NEK1: variants seen among roughly 807,000 people sequenced by gnomAD.
NEK1 encodes serine/threonine-protein kinase Nek1.
A neutral mutation model predicts 182.1 loss-of-function variants in NEK1; 137 were observed. The ratio of observed to expected loss-of-function variants is 0.75; its 90% CI spans 0.65 to 0.87. The LOEUF (loss-of-function observed/expected upper bound fraction) is 0.87. Among genes scored for constraint, NEK1 ranks in the 40% least tolerant of loss-of-function variants. The pLI is 0.00. For synonymous variants in NEK1, 513 were observed against 492.2 expected, an observed-to-expected ratio of 1.04 and a Z score of -0.56; for missense variants, 1,391 against 1,494.4, an observed-to-expected ratio of 0.93 and a Z score of 1.14.
chr4:169,547,874 C>T (rs957057426), intron 18 of NEK1, among the ~76,000 whole-genome samples: 2 of 152,124 alleles, frequency 1.3e-5, no homozygotes, highest in East Asian at 1.9e-4. Context: ...ATTTGTCTAA[C>T]CTTTTCTCAA....
At chr4:169,575,637 G>A (rs1198339492) in intron 12 of NEK1, among the ~76,000 whole-genome samples, 8 of 152,130 alleles carry the variant, frequency 5.3e-5, no homozygotes, top group African/African-American at 1.7e-4. Context: ...TGAGTTCAAC[G>A]GCTCCTCAAG....
At chr4:169,451,050 T>A (rs984235464) in intron 27 of NEK1, among the ~76,000 whole-genome samples, 17 of 152,178 alleles carry the variant, frequency 1.1e-4, no homozygotes, top group Non-Finnish European at 1.9e-4. Flanking sequence ...GGCCATTACA[T>A]AATGGTAAAG....
Position 169,479,539 on chromosome 4 carries a change from A to T in NEK1, c.2008-5T>A. 2 of 1,589,802 alleles carry T rather than the reference A, an allele frequency of 1.3e-6. No homozygotes were observed. The highest frequency in any genetic ancestry group is 1.7e-6 in the Non-Finnish European group (2 of 1,170,494). ...CTTAACTCCTTTAGCCACCAACTAT[A>T]AAAAAGGATTTTATTAAATACATTA... On this transcript the variant is annotated splice_polypyrimidine_tract_variant and splice_region_variant and intron_variant, in intron 23 of 35. Coordinates refer to ENST00000507142, the MANE Select transcript of NEK1 (RefSeq NM_001199397.3).
At chr4:169,593,880 G>A (rs867792634) in intron 5 of NEK1, among the ~76,000 whole-genome samples, 2 of 151,754 alleles carry the variant, frequency 1.3e-5, no homozygotes, top group African/African-American at 2.4e-5. Flanking sequence ...TCCTAGCTAC[G>A]CGGGAGGCTG....
intron 12 of NEK1, among the ~76,000 whole-genome samples, chr4:169,564,786 A>T (rs1241807990): frequency 6.6e-6 from 1 of 152,166 alleles, no homozygotes; most frequent in Non-Finnish European, 1.5e-5. Flanking sequence ...TAAAATATGT[A>T]ATACCACCCA....
chr4:169,590,894 C>T, intron 5 of NEK1, 85 bp from the exon 6 acceptor site: 1 of 862,886 alleles, frequency 1.2e-6, no homozygotes, highest in African/African-American at 1.7e-5. Flanking sequence ...GAACTAAATC[C>T]TTAAAAAGAT....
At chr4:169,552,882 A>T (rs540186766) in intron 18 of NEK1, among the ~76,000 whole-genome samples, 1 of 152,290 alleles carries the variant, frequency 6.6e-6, no homozygotes, top group East Asian at 1.9e-4. Context: ...AATCTAAAAA[A>T]ATATGCACGG....
At chr4:169,594,830 T>A (rs529886031) in intron 5 of NEK1, among the ~76,000 whole-genome samples, 1 of 152,336 alleles carries the variant, frequency 6.6e-6, no homozygotes, top group East Asian at 1.9e-4. Flanking sequence ...ACAAAATGCA[T>A]GCTTTAGAGA....
rs1188558959 is a variant in NEK1 at position 169,496,709 on chromosome 4, T to C, written c.2007+10328A>G. 8.6e-5 allele frequency among the ~76,000 whole-genome samples: 13 copies of C among 151,732 alleles called. No individual in the cohort carries two copies. The East Asian group carries it at 2.3e-3, about 27-fold the overall frequency. On this transcript the variant is annotated intron_variant, in intron 23 of 35. Transcript: ENST00000507142. ...CTGTTTATATGCTGGATTACGTTTATTGATTTGCGTATGTTGAACCAGCCT... is the reference window on the plus strand; with the variant it reads ...CTGTTTATATGCTGGATTACGTTTACTGATTTGCGTATGTTGAACCAGCCT...
At chr4:169,521,557 T>C (rs1756055343) in intron 19 of NEK1, among the ~76,000 whole-genome samples, 1 of 152,242 alleles carries the variant, frequency 6.6e-6, no homozygotes. Context: ...AGTGCATGAT[T>C]CTTTTGTTAC....
At chr4:169,556,161 C>G in intron 16 of NEK1, 66 bp from the exon 17 acceptor site, 1 of 1,403,424 alleles carries the variant, frequency 7.1e-7, no homozygotes. Context: ...GTACTAGTCT[C>G]AAAAGAAAAA....
At chr4:169,523,100 G>A (rs542837239) in intron 19 of NEK1, among the ~76,000 whole-genome samples, 7 of 152,324 alleles carry the variant, frequency 4.6e-5, no homozygotes, top group African/African-American at 9.6e-5. Context: ...GGAAAAGTGA[G>A]TCTATGCCAT....
rs1772475960 is a variant in NEK1 at position 169,612,465 on chromosome 4, C to T, written c.-416G>A. On this transcript the variant is annotated 5_prime_UTR_variant, in exon 1 of 36. Transcript: ENST00000507142. ...CGGGACTGGGAAGCTACTTGACTGC[C>T]ACGTGCTCCTGCCTCGCAACAGCGG... is the stretch of plus-strand genomic sequence containing the variant. 1 of 152,456 alleles carries T rather than the reference C, an allele frequency of 6.6e-6. No homozygotes were observed. Among genetic ancestry groups the T allele is most frequent in the South Asian group, 2.1e-4 (1 of 4,828 alleles). 9.4% of individuals were successfully genotyped at this position (152,456 alleles called of 1,614,324 possible).
chr4:169,542,950 T>A (rs191925893), intron 18 of NEK1, among the ~76,000 whole-genome samples: 1 of 152,330 alleles, frequency 6.6e-6, no homozygotes, highest in African/African-American at 2.4e-5. Context: ...CTGTTCACTC[T>A]GATGATAGTT....
intron 27 of NEK1, among the ~76,000 whole-genome samples, chr4:169,445,701 C>CA (rs368207599): frequency 0.058 from 8,230 of 143,046 alleles, 274 homozygotes; most frequent in Non-Finnish European, 0.09. Context: ...GGGGAGAAGG[C>CA]AAAAAAAAAC....
intron 19 of NEK1, among the ~76,000 whole-genome samples, chr4:169,532,425 T>C (rs1014576384): frequency 2.0e-5 from 3 of 152,114 alleles, no homozygotes; most frequent in African/African-American, 7.2e-5. Flanking sequence ...TTTAAATCCA[T>C]AGAATGTTAG....
chr4:169,609,335 A>C (rs1411809609), intron 2 of NEK1, among the ~76,000 whole-genome samples: 1 of 152,192 alleles, frequency 6.6e-6, no homozygotes, highest in Non-Finnish European at 1.5e-5. Flanking sequence ...TGATGTAGTG[A>C]TTCAATTTCT....
At chr4:169,579,313 G>A (rs1214530427) in intron 11 of NEK1, among the ~76,000 whole-genome samples, 2 of 152,182 alleles carry the variant, frequency 1.3e-5, no homozygotes, top group East Asian at 1.9e-4. Flanking sequence ...TGGAAAGAAC[G>A]TGCTGACACT....
intron 27 of NEK1, among the ~76,000 whole-genome samples, chr4:169,444,264 C>T (rs978475199): frequency 2.0e-5 from 3 of 152,106 alleles, no homozygotes; most frequent in Admixed American, 6.5e-5. Context: ...AGAGTTAAGT[C>T]CTCACCTATC....
Sources: gnomAD v4.1 joint callset for allele counts (sites outside exome capture counted in the v4.1 genomes callset) on GRCh38, gnomAD v4.1.1 for gene constraint, MANE v1.5 for transcripts, NCBI Gene and HGNC (gene_info 2026-07-23, HGNC 2026-07-21) for gene names.